Variants in PUM2 observed in about 807,000 individuals in gnomAD.
The protein encoded by PUM2 is pumilio homolog 2.
PUM2 carries 57 observed loss-of-function variants against 124.5 expected under a neutral mutation model. The observed-to-expected ratio is 0.46, with a 90% CI of 0.37 to 0.57. The LOEUF is 0.57. PUM2 is among the 20% of genes least tolerant of loss of function. PUM2 has a pLI of 0.00. For missense variants in PUM2, 1,065 were observed against 1,290.6 expected, an observed-to-expected ratio of 0.83 and a Z score of 2.68; for synonymous variants, 460 against 446.1, an observed-to-expected ratio of 1.03 and a Z score of -0.39.
chr2:20,261,380 T>G (rs1489198796), intron 14 of PUM2, among the ~76,000 whole-genome samples: 1 of 100,574 alleles, frequency 9.9e-6, no homozygotes, highest in Non-Finnish European at 2.0e-5. Context: ...AGCGACAGAG[T>G]GAGACTCTGT....
Position 20,249,524 on chromosome 2 carries a change from A to G in PUM2, c.*2061T>C, listed in dbSNP as rs1316910323. On this transcript the variant is annotated 3_prime_UTR_variant, in exon 21 of 21. Coordinates refer to ENST00000361078, the MANE Select transcript of PUM2 (RefSeq NM_015317.5). ...AAGGAATGTTGGGTTAGAAAAGTAA[A>G]ATAACTCAACACCAAACATGAAAAA... 1.3e-5 allele frequency: 2 copies of G among 152,660 alleles called. No individual in the cohort carries two copies. Among genetic ancestry groups the G allele is most frequent in the African/African-American group, 4.8e-5 (2 of 41,452 alleles). 9.5% of individuals were successfully genotyped at this position (152,660 alleles called of 1,614,324 possible). A position where few individuals can be genotyped will look rare whatever the true frequency, so the allele number is the denominator to read the frequency against.
At chr2:20,319,992 G>C (rs1196087873) in intron 2 of PUM2, among the ~76,000 whole-genome samples, 1 of 152,214 alleles carries the variant, frequency 6.6e-6, no homozygotes, top group African/African-American at 2.4e-5. Flanking sequence ...ACTGGGCCAG[G>C]AGAGGTGGCT....
Position 20,297,637 on chromosome 2 carries a change from G to A in PUM2, c.925C>T (p.Pro309Ser). Residue 309 changes from proline (P) to serine (S), a missense_variant, in exon 8 of 21, where the codon CCA (proline) becomes TCA (serine). Around this residue, in one of 3 missense-constraint regions of PUM2, gnomAD observed 968 missense variants for 1,159.8 expected, o/e 0.83. Coordinates refer to ENST00000361078, the MANE Select transcript of PUM2 (RefSeq NM_015317.5). ...GCAGCACTAATAATGTATGGATTTG[G>A]CACAAATGCAGCTGGAGCAAGGCCT... ...SAGLAPAAFV[P>S]NPYIISAAPP... 1.2e-6 allele frequency: 2 copies of A among 1,612,954 alleles called. No homozygotes were observed. Among genetic ancestry groups the A allele is most frequent in the Non-Finnish European group, 1.7e-6 (2 of 1,178,946 alleles).
At chr2:20,289,207 T>C (rs72787416) in intron 10 of PUM2, among the ~76,000 whole-genome samples, 11,014 of 152,040 alleles carry the variant, frequency 0.072, 433 homozygotes, top group Non-Finnish European at 0.088. Flanking sequence ...ATCAAGAGCC[T>C]AGGAGGATCA....
At position 20,283,107 on chromosome 2, in the gene PUM2, A is replaced by C. The variant is rs1335098911; in HGVS notation, c.1560T>G (p.Ser520=). 1.2e-6 allele frequency: 2 copies of C among 1,614,052 alleles called. No homozygotes were observed. The highest frequency in any genetic ancestry group is 1.7e-6 in the Non-Finnish European group (2 of 1,180,036). The change falls in exon 12 of 21, where the codon TCT becomes TCG. Residue 520 remains serine, a synonymous_variant. Coordinates refer to ENST00000361078, the MANE Select transcript of PUM2 (RefSeq NM_015317.5). The part of the protein sequence containing the change: ...QQQQPSTNLQ[S]NSFYGSSSLT... ...AAGAACTGCTTCCATAAAATGAATTAGATTGCAGATTAGTGCTTGGCTGCT... is the reference window on the plus strand; with the variant it reads ...AAGAACTGCTTCCATAAAATGAATTCGATTGCAGATTAGTGCTTGGCTGCT...
chr2:20,288,762 G>A lies in PUM2; in HGVS notation c.1291+1890C>T, dbSNP rs555196687. Among the ~76,000 whole-genome samples the A allele has an allele frequency of 2.1e-4, 32 of 152,256 alleles. No homozygotes were observed. The South Asian group carries it at 6.2e-3, about 30-fold the overall frequency. On this transcript the variant is annotated intron_variant, in intron 10 of 20. Transcript: ENST00000361078. The stretch of plus-strand genomic sequence containing the variant: ...GTATACACATTAGCTTTATAACTAT[G>A]TAACTATTTGGATATGGAAAATGAG...
intron 1 of PUM2, among the ~76,000 whole-genome samples, chr2:20,340,623 C>A (rs751163048): frequency 1.3e-5 from 2 of 152,190 alleles, no homozygotes; most frequent in Non-Finnish European, 2.9e-5. Flanking sequence ...TTAGTCTGGG[C>A]AGCAAGACAG....
At chr2:20,326,161 T>A in intron 2 of PUM2, 2 of 1,072,866 alleles carry the variant, frequency 1.9e-6, no homozygotes, top group South Asian at 1.6e-5. Flanking sequence ...ACAAAAAAAA[T>A]TCAATTTCTT....
rs963595319 is a variant in PUM2 at position 20,278,602 on chromosome 2, G to A, written c.1938C>T (p.Ser646=). 5 of 1,611,842 alleles carry A rather than the reference G, an allele frequency of 3.1e-6. 1 individual carries two copies. The highest frequency in any genetic ancestry group is 3.4e-6 in the Non-Finnish European group (4 of 1,178,470). The change falls in exon 13 of 21, where the codon TCC becomes TCT. Residue 646 remains serine, a synonymous_variant. Transcript: ENST00000361078. ...TTTTACCTAAATGCAAACTGGATGA[G>A]GATCCATGTGATGAAAGTGATGGCG... ...TPPPSLSSHG[S]SSSLHLGGLT...
chr2:20,252,649 T>C (rs1663725443), intron 20 of PUM2, among the ~76,000 whole-genome samples: 1 of 152,220 alleles, frequency 6.6e-6, no homozygotes, highest in African/African-American at 2.4e-5. Flanking sequence ...CTGCTGCAAT[T>C]ACTAATTTCT....
intron 2 of PUM2, among the ~76,000 whole-genome samples, chr2:20,321,955 C>T (rs1265723105): frequency 6.6e-6 from 1 of 151,736 alleles, no homozygotes; most frequent in Non-Finnish European, 1.5e-5. Flanking sequence ...CCAAAGAAAC[C>T]TATCAGCACC....
chr2:20,307,387 A>T (rs1186190906), intron 7 of PUM2, among the ~76,000 whole-genome samples: 1 of 152,150 alleles, frequency 6.6e-6, no homozygotes, highest in Non-Finnish European at 1.5e-5. Flanking sequence ...ATGTTTACAC[A>T]AATCTACACC....
At chr2:20,266,914 T>C (rs1667793530) in intron 13 of PUM2, among the ~76,000 whole-genome samples, 2 of 152,196 alleles carry the variant, frequency 1.3e-5, no homozygotes, top group African/African-American at 4.8e-5. Flanking sequence ...TGATTAGTGG[T>C]TTATCAGTGT....
intron 16 of PUM2, 98 bp from the exon 17 acceptor site, chr2:20,256,268 A>C: frequency 8.8e-7 from 1 of 1,137,974 alleles, no homozygotes; most frequent in Non-Finnish European, 1.2e-6. Flanking sequence ...TAAAAATCTC[A>C]GTATATTTAT....
intron 1 of PUM2, among the ~76,000 whole-genome samples, chr2:20,345,722 A>C (rs1688121438): frequency 6.6e-6 from 1 of 152,104 alleles, no homozygotes; most frequent in African/African-American, 2.4e-5. Context: ...AAATACAAAA[A>C]TTAGCCGGGC....
intron 5 of PUM2, among the ~76,000 whole-genome samples, chr2:20,309,063 C>G (rs1444022367): frequency 6.6e-6 from 1 of 152,098 alleles, no homozygotes; most frequent in African/African-American, 2.4e-5. Context: ...AGAAAAAAAT[C>G]TGGCCATAAG....
intron 1 of PUM2, among the ~76,000 whole-genome samples, chr2:20,334,100 T>C (rs1314192555): frequency 1.3e-5 from 2 of 152,100 alleles, no homozygotes; most frequent in African/African-American, 4.8e-5. Flanking sequence ...CTTTCTAAAT[T>C]ACCCAGTCTC....
chr2:20,258,469 AC>A (rs2148480735), intron 15 of PUM2, 98 bp from the exon 16 acceptor site: 3 of 1,246,874 alleles, frequency 2.4e-6, no homozygotes, highest in East Asian at 4.9e-5. Flanking sequence ...TCTATCAGTA[AC>A]TATGTAGGGC....
chr2:20,294,050 G>C (rs1403924070), intron 9 of PUM2, among the ~76,000 whole-genome samples: 1 of 151,994 alleles, frequency 6.6e-6, no homozygotes, highest in Non-Finnish European at 1.5e-5. Context: ...TAAATACCTG[G>C]AAAAATATGA....
Sources: gnomAD v4.1 joint callset for allele counts (sites outside exome capture counted in the v4.1 genomes callset) on GRCh38, gnomAD v4.1.1 for gene constraint, gnomAD v4.1.1 regional missense constraint, MANE v1.5 for transcripts, NCBI Gene and HGNC (gene_info 2026-07-23, HGNC 2026-07-21) for gene names.